Variants in MXRA5 observed in about 807,000 individuals in gnomAD.
The protein encoded by MXRA5 is matrix remodeling associated 5, also known as matrix-remodeling-associated protein 5.
A neutral mutation model predicts 112.5 loss-of-function variants in MXRA5; 41 were observed. The observed-to-expected ratio is 0.36, with a 90% confidence interval of 0.28 to 0.47. The LOEUF (loss-of-function observed/expected upper bound fraction) is 0.47. MXRA5 is among the 20% of genes least tolerant of loss of function. The probability of loss-of-function intolerance (pLI) is 0.99; values close to 1 mark genes in which losing one functional copy is unlikely to be tolerated. For synonymous variants in MXRA5, 862 were observed against 900.8 expected, an observed-to-expected ratio of 0.96 and a Z score of 0.77; for missense variants, 2,150 against 2,251.0, an observed-to-expected ratio of 0.96 and a Z score of 0.91.
chrX:3,309,780 T>C lies in MXRA5; in HGVS notation c.8423A>G (p.Tyr2808Cys). ...QHATQRDAGF[Y>C]KCMAKNILGS... is the part of the protein sequence containing the mutation. ...GAGAATGTTTTTTGCCATGCACTTG[T>C]AGAAGCCGGCATCTCTCTGTGTGGC... Residue 2808 changes from tyrosine (Y) to cysteine (C), a missense_variant, in exon 7 of 7, where the codon TAC becomes TGC. Transcript: ENST00000217939. The C allele has an allele frequency of 8.3e-7, 1 of 1,211,832 alleles. No individual in the cohort carries two copies. Among genetic ancestry groups the C allele is most frequent in the Non-Finnish European group, 1.1e-6 (1 of 895,521 alleles).
At chrX:3,343,123 C>G (rs188515301) in intron 2 of MXRA5, among the ~76,000 whole-genome samples, 192 of 112,617 alleles carry the variant, frequency 1.7e-3, no homozygotes, top group African/African-American at 6.0e-3. Flanking sequence ...GTCTGGCAAG[C>G]CACATCAAAA....
chrX:3,319,987 G>A, intron 5 of MXRA5, 21 bp downstream of exon 5: 2 of 1,037,713 alleles, frequency 1.9e-6, no homozygotes, highest in Non-Finnish European at 2.6e-6. Context: ...AAAAAAAAAA[G>A]TAGATGCTTA....
At chrX:3,318,270 G>A (rs1276337025) in intron 5 of MXRA5, among the ~76,000 whole-genome samples, 1 of 111,472 alleles carries the variant, frequency 9.0e-6, no homozygotes, top group Admixed American at 9.5e-5. Context: ...AGCCTTCTAA[G>A]TAGCTGGGGC....
chrX:3,318,873 A>AC (rs1225239013), intron 5 of MXRA5, among the ~76,000 whole-genome samples: 44 of 111,995 alleles, frequency 3.9e-4, no homozygotes, highest in African/African-American at 1.3e-3. Flanking sequence ...CTTTAAAAAA[A>AC]AAACAAACAA....
At position 3,316,032 on chromosome X, in the gene MXRA5, G is replaced by A. The variant is rs185107197; in HGVS notation, c.6578+1071C>T. On this transcript the variant is annotated intron_variant, in intron 6 of 6. Coordinates refer to ENST00000217939, the MANE Select transcript of MXRA5 (RefSeq NM_015419.4). Reference sequence around the variant, plus strand: ...GAAGTTGAGTATTTGTTCTGGATCCGAGTTTAGAGGGACAAAATTTCATTG... The same window carrying A: ...GAAGTTGAGTATTTGTTCTGGATCCAAGTTTAGAGGGACAAAATTTCATTG... Among the ~76,000 whole-genome samples, 48 of 18,789 alleles carry A rather than the reference G, an allele frequency of 2.6e-3. 3 individuals carry two copies. In the East Asian group the frequency reaches 0.086, roughly 34 times the overall value. 16.3% of individuals were successfully genotyped at this position (18,789 alleles called of 115,157 possible). A position where few individuals can be genotyped will look rare whatever the true frequency, so the allele number is the denominator to read the frequency against.
rs151002194 is a variant in MXRA5, at chrX:3,323,664, C to A, written c.2021G>T (p.Gly674Val). The change falls in exon 5 of 7, where the codon GGC becomes GTC. Residue 674 changes from glycine (G) to valine (V), a missense_variant. By Grantham distance (109) the Gly-to-Val change is moderately radical. Coordinates refer to ENST00000217939, the MANE Select transcript of MXRA5 (RefSeq NM_015419.4). ...VGITVTKKGS[G>V]LPSKRGRRPG... ...GCGTCTGCCTCTTTTGGATGGCAAG[C>A]CAGACCCTTTCTTGGTCACTGTGAT... 2.5e-5 allele frequency: 30 copies of A among 1,208,780 alleles called. 1 individual carries two copies. In the African/African-American group the frequency reaches 5.1e-4, roughly 20 times the overall value.
Position 3,330,275 on chromosome X carries a change from G to A in MXRA5, c.452C>T (p.Thr151Met), listed in dbSNP as rs368770345. The A allele has an allele frequency of 3.3e-6, 4 of 1,211,124 alleles. No homozygotes were observed. The highest frequency in any genetic ancestry group is 3.4e-6 in the Non-Finnish European group (3 of 895,388). Residue 151 changes from threonine to methionine, a missense_variant, in exon 4 of 7, where the codon ACG becomes ATG. Thr to Met is a moderately conservative substitution (Grantham distance 81). Coordinates refer to ENST00000217939, the MANE Select transcript of MXRA5 (RefSeq NM_015419.4). ...FIHPQAFNGL[T>M]SLRLLHLEGN... ...TTCCAAATGGAGTAGCCTCAGAGAC[G>A]TTAAGCCGTTGAAAGCTTGAGGGTG...
intron 2 of MXRA5, among the ~76,000 whole-genome samples, chrX:3,331,673 G>A (rs1921666800): frequency 8.9e-6 from 1 of 112,107 alleles, no homozygotes; most frequent in Non-Finnish European, 1.9e-5. Flanking sequence ...TTTCTTGTTT[G>A]TTTTGTTTCT....
chrX:3,312,125 C>T (rs1379304517), intron 6 of MXRA5, among the ~76,000 whole-genome samples: 1 of 111,918 alleles, frequency 8.9e-6, no homozygotes, highest in Admixed American at 9.5e-5. Context: ...AGAAAAGCAA[C>T]TCTAATAAGG....
rs1417562365 is a variant in MXRA5 at position 3,323,632 on chromosome X, C to A, written c.2053G>T (p.Ala685Ser). 8.3e-7 allele frequency: 1 copy of A among 1,211,079 alleles called. No individual in the cohort carries two copies. ...TCTCTGACTCTGGAAAGAGCCTTTG[C>A]ACCTGGGCGTCTGCCTCTTTTGGAT... The part of the protein sequence containing the change: ...LPSKRGRRPG[A>S]KALSRVREDI... Residue 685 changes from alanine (A) to serine (S), a missense_variant, in exon 5 of 7, where the codon GCA (alanine) becomes TCA (serine). Coordinates refer to ENST00000217939, the MANE Select transcript of MXRA5 (RefSeq NM_015419.4).
intron 2 of MXRA5, among the ~76,000 whole-genome samples, chrX:3,341,951 T>C (rs1921996328): frequency 9.2e-6 from 1 of 108,582 alleles, no homozygotes; most frequent in Non-Finnish European, 1.9e-5. Flanking sequence ...GTTCTGCAAA[T>C]ATCACACGCA....
chrX:3,328,082 G>A (rs2146926523), intron 4 of MXRA5, among the ~76,000 whole-genome samples: 1 of 112,315 alleles, frequency 8.9e-6, no homozygotes, highest in East Asian at 2.8e-4. Context: ...ACATCCACTG[G>A]GGTGTGAGGA....
intron 4 of MXRA5, among the ~76,000 whole-genome samples, chrX:3,328,911 G>A (rs1279507962): frequency 2.7e-4 from 26 of 98,109 alleles, no homozygotes; most frequent in African/African-American, 9.4e-4. Flanking sequence ...AAGGAAGGGA[G>A]GGAGGGAAGG....
chrX:3,317,002 C>T (rs1168551247), intron 6 of MXRA5, 101 bp downstream of exon 6: 3 of 894,801 alleles, frequency 3.4e-6, no homozygotes, highest in Non-Finnish European at 4.5e-6. Flanking sequence ...TTTTATCGGA[C>T]GCAGGGAGCA....
chrX:3,314,901 T>C (rs1293620978), intron 6 of MXRA5, among the ~76,000 whole-genome samples: 1 of 109,674 alleles, frequency 9.1e-6, no homozygotes, highest in Non-Finnish European at 1.9e-5. Flanking sequence ...GATAGATAGA[T>C]AGATAGATAG....
At chrX:3,315,991 G>A (rs1252434930) in intron 6 of MXRA5, among the ~76,000 whole-genome samples, 1 of 95,318 alleles carries the variant, frequency 1.0e-5, no homozygotes, top group Non-Finnish European at 2.1e-5. Context: ...AGAGGAGGAA[G>A]TTAAGTATTT....
At position 3,321,681 on chromosome X, in the gene MXRA5, T is replaced by A. The variant is rs189409845; in HGVS notation, c.4004A>T (p.Asp1335Val). ...GACTAAAATGTCACTTTTATGTTTG[T>A]CAACATTTGTGGCAACATCATCCTT... ...EIKDDVATNVDKHKSDILVTG... is the reference protein window; with the variant it reads ...EIKDDVATNVVKHKSDILVTG... The change falls in exon 5 of 7, where the codon GAC (aspartate) becomes GTC (valine). Residue 1335 changes from aspartate to valine, a missense_variant. This residue lies in a region of MXRA5 where 1,485 missense variants were observed against 1,471.6 expected (regional missense o/e 1.01). Transcript: ENST00000217939. 45 of 1,208,986 alleles carry A rather than the reference T, an allele frequency of 3.7e-5. No homozygotes were observed. The Admixed American group carries it at 9.4e-4, about 25-fold the overall frequency.
intron 6 of MXRA5, among the ~76,000 whole-genome samples, 156 bp downstream of exon 6, chrX:3,316,947 A>T (rs188519899): frequency 0.017 from 1,910 of 111,851 alleles, 52 homozygotes; most frequent in African/African-American, 0.058. Context: ...AAGTGCTGGG[A>T]TTACAGGCGT....
Position 3,320,634 on chromosome X carries a change from G to A in MXRA5, c.5051C>T (p.Pro1684Leu), listed in dbSNP as rs1380236761. ...LPLHMSKPSI[P>L]SKFTDRRTDQ... ...AGTTCTTCGGTCAGTAAACTTACTA[G>A]GAATGCTGGGTTTGGACATGTGCAA... Residue 1684 changes from proline to leucine, a missense_variant, in exon 5 of 7, where the codon CCT (proline) becomes CTT (leucine). Pro to Leu is a moderately conservative substitution (Grantham distance 98). Transcript: ENST00000217939. 1 of 1,210,257 alleles carries A rather than the reference G, an allele frequency of 8.3e-7. No individual in the cohort carries two copies. The highest frequency in any genetic ancestry group is 2.2e-5 in the Admixed American group (1 of 45,839).
Sources: allele counts gnomAD v4.1 joint callset (sites outside exome capture counted in the v4.1 genomes callset), GRCh38; gene constraint gnomAD v4.1.1; regional missense constraint gnomAD v4.1.1; transcripts MANE v1.5; gene names NCBI Gene and HGNC (gene_info 2026-07-23, HGNC 2026-07-21).